The following FOLH1 variants were observed in gnomAD, a reference collection of about 807,000 sequenced individuals.
The protein encoded by FOLH1 is folate hydrolase 1.
Under a neutral mutation model 93.9 loss-of-function variants are expected in FOLH1, and 54 were observed. The observed-to-expected ratio is 0.57, with a 90% confidence interval of 0.46 to 0.72. The LOEUF is 0.72. FOLH1 is among the 30% of genes least tolerant of loss of function. FOLH1 has a pLI of 0.00. For synonymous variants in FOLH1, 249 were observed against 303.6 expected, an observed-to-expected ratio of 0.82 and a Z score of 1.87; for missense variants, 571 against 892.5, an observed-to-expected ratio of 0.64 and a Z score of 4.59.
At chr11:49,200,187 TC>T (rs1863114965) in intron 3 of FOLH1, 67 bp downstream of exon 3, 1 of 1,276,842 alleles carries the variant, frequency 7.8e-7, no homozygotes, top group South Asian at 1.6e-5. Flanking sequence ...GAACATTATT[TC>T]ATAGAAGGTA....
intron 2 of FOLH1, among the ~76,000 whole-genome samples, chr11:49,203,882 C>T (rs1453862189): frequency 2.0e-5 from 3 of 151,418 alleles, no homozygotes; most frequent in Non-Finnish European, 4.4e-5. Flanking sequence ...ATCGCATTGC[C>T]TCTCTAAAAA....
chr11:49,160,269 A>C (rs1467385407), intron 13 of FOLH1, among the ~76,000 whole-genome samples: 1 of 151,990 alleles, frequency 6.6e-6, no homozygotes, highest in Non-Finnish European at 1.5e-5. Flanking sequence ...TTTTTTCAAA[A>C]AATCAGCTCC....
At position 49,183,315 on chromosome 11, in the gene FOLH1, A is replaced by T; in HGVS notation, c.827-73T>A. Reference sequence around the variant, plus strand: ...AAACGGTTCTCTATAAATCACATTAAATACATTCTAATTTCACATTTGCTA... The same window carrying T: ...AAACGGTTCTCTATAAATCACATTATATACATTCTAATTTCACATTTGCTA... On this transcript the variant is annotated intron_variant, in intron 6 of 18. Transcript: ENST00000256999. 3 of 1,072,864 alleles carry T rather than the reference A, an allele frequency of 2.8e-6. No individual in the cohort carries two copies. In the South Asian group the frequency reaches 4.7e-5, roughly 17 times the overall value. 66.5% of individuals were successfully genotyped at this position (1,072,864 alleles called of 1,614,324 possible).
chr11:49,173,412 A>G lies in FOLH1; in HGVS notation c.1170T>C (p.Ser390=). 6.2e-7 allele frequency: 1 copy of G among 1,612,112 alleles called. No individual in the cohort carries two copies. ...SWVFGGIDPQ[S]GAAVVHEIVR... Reference sequence around the variant, plus strand: ...CAATTTCATGAACAACAGCTGCTCCACTCTGAGGGTCAATACCACCAAACA... The same window carrying G: ...CAATTTCATGAACAACAGCTGCTCCGCTCTGAGGGTCAATACCACCAAACA... The change falls in exon 10 of 19, where the codon AGT becomes AGC. Residue 390 remains serine, a synonymous_variant. Coordinates refer to ENST00000256999, the MANE Select transcript of FOLH1 (RefSeq NM_004476.3).
At position 49,156,748 on chromosome 11, in the gene FOLH1, G is replaced by T. The variant is rs1435131749; in HGVS notation, c.1592C>A (p.Ala531Asp). 6.2e-7 allele frequency: 1 copy of T among 1,612,782 alleles called. No individual in the cohort carries two copies. Among genetic ancestry groups the T allele is most frequent in the East Asian group, 2.2e-5 (1 of 44,748 alleles). Residue 531 changes from alanine to aspartate, a missense_variant, in exon 15 of 19, where the codon GCT (alanine) becomes GAT (aspartate). Around this residue, in one of 2 missense-constraint regions of FOLH1, gnomAD observed 500 missense variants for 822.9 expected, o/e 0.61. Transcript: ENST00000256999. ...FEVFFQRLGI[A>D]SGRARYTKNW... Reference sequence around the variant, plus strand: ...TTTAGTATACCGTGCTCTGCCTGAAGCAATTCCAAGTCGTTGGAAGAACAC... The same window carrying T: ...TTTAGTATACCGTGCTCTGCCTGAATCAATTCCAAGTCGTTGGAAGAACAC...
At chr11:49,166,049 C>T (rs986587899) in intron 12 of FOLH1, among the ~76,000 whole-genome samples, 22 of 152,162 alleles carry the variant, frequency 1.4e-4, no homozygotes, top group Non-Finnish European at 3.1e-4. Flanking sequence ...CCACAACAAA[C>T]TGAAGCAAGC....
At chr11:49,208,160 T>C in intron 1 of FOLH1, 132 bp downstream of exon 1, 1 of 681,658 alleles carries the variant, frequency 1.5e-6, no homozygotes, top group South Asian at 1.9e-5. Context: ...TCACCCCACA[T>C]TACCCCGACC....
intron 2 of FOLH1, 145 bp from the exon 3 acceptor site, chr11:49,200,586 A>G: frequency 4.8e-6 from 4 of 833,778 alleles, no homozygotes; most frequent in Non-Finnish European, 7.2e-6. Context: ...TGCATGAAAT[A>G]GATTTTCAAA....
intron 13 of FOLH1, chr11:49,162,758 C>T (rs1207572568): frequency 6.0e-5 from 9 of 151,194 alleles, no homozygotes; most frequent in Admixed American, 2.6e-4. Flanking sequence ...GGTTGGTGAC[C>T]TTTGAGTGGA....
chr11:49,185,041 A>ATCC (rs1301913723), intron 6 of FOLH1, among the ~76,000 whole-genome samples: 2 of 152,154 alleles, frequency 1.3e-5, no homozygotes, highest in East Asian at 3.9e-4. Context: ...TGCAAGTAAA[A>ATCC]TGCTGGCATT....
In FOLH1 at chr11:49,156,806, T is replaced by A. The variant is rs1297396036; in HGVS notation, c.1534A>T (p.Ile512Leu). The A allele has an allele frequency of 6.2e-7, 1 of 1,612,034 alleles. No individual in the cohort carries two copies. Among genetic ancestry groups the A allele is most frequent in the Admixed American group, 1.7e-5 (1 of 59,880 alleles). Reference protein sequence around the residue: ...PSPEFSGMPRISKLGSGNDFE... With the variant: ...PSPEFSGMPRLSKLGSGNDFE... ...TCATTTCCAGATCCCAATTTGCTTA[T>A]CCTTTTAGAGATAAAACAACAGAAT... Residue 512 changes from isoleucine (I) to leucine (L), a missense_variant and splice_region_variant, in exon 15 of 19, where the codon ATA (isoleucine) becomes TTA (leucine). Ile to Leu is a conservative substitution (Grantham distance 5). Coordinates refer to ENST00000256999, the MANE Select transcript of FOLH1 (RefSeq NM_004476.3).
chr11:49,167,915 C>G (rs1019007443), intron 12 of FOLH1, among the ~76,000 whole-genome samples: 2 of 53,704 alleles, frequency 3.7e-5, no homozygotes, highest in African/African-American at 1.5e-4. Context: ...AAAACACACA[C>G]AAAAAAACCA....
At position 49,174,886 on chromosome 11, in the gene FOLH1, C is replaced by T. The variant is rs764989225; in HGVS notation, c.1105+6G>A. On this transcript the variant is annotated splice_donor_region_variant and intron_variant, in intron 9 of 18. Coordinates refer to ENST00000256999, the MANE Select transcript of FOLH1 (RefSeq NM_004476.3). ...TCAATATTTGCTAAGCAAACGATTCCTTTACCTGGTTCCACTGCTCCTCTG... is the reference window on the plus strand; with the variant it reads ...TCAATATTTGCTAAGCAAACGATTCTTTTACCTGGTTCCACTGCTCCTCTG... 2 of 1,602,536 alleles carry T rather than the reference C, an allele frequency of 1.2e-6. No individual in the cohort carries two copies. The highest frequency in any genetic ancestry group is 2.2e-5 in the South Asian group (2 of 90,090).
At chr11:49,162,585 T>C (rs1419115697) in intron 13 of FOLH1, among the ~76,000 whole-genome samples, 2 of 152,174 alleles carry the variant, frequency 1.3e-5, no homozygotes, top group Non-Finnish European at 2.9e-5. Flanking sequence ...TGAATTCTAC[T>C]TCTGTCATTT....
rs1427754508 is a variant in FOLH1 at position 49,154,639 on chromosome 11, C to T, written c.1624-147G>A. 6 of 1,441,626 alleles carry T rather than the reference C, an allele frequency of 4.2e-6. No homozygotes were observed. In the East Asian group the frequency reaches 7.5e-5, roughly 18 times the overall value. The allele number at this position is 1,441,626 out of a possible 1,614,324, so 89.3% of individuals were successfully genotyped here. ...TCTCAATAAGCTACATCCTAAATGG[C>T]TAATATTATGATACATAAACACATT... On this transcript the variant is annotated intron_variant, in intron 15 of 18. Transcript: ENST00000256999.
At chr11:49,173,253 C>G in intron 10 of FOLH1, 104 bp downstream of exon 10, 1 of 1,198,424 alleles carries the variant, frequency 8.3e-7, no homozygotes, top group Non-Finnish European at 1.1e-6. Context: ...GTATTTTTAC[C>G]AAACACATGT....
At chr11:49,202,744 T>G (rs1483920204) in intron 2 of FOLH1, among the ~76,000 whole-genome samples, 1 of 152,220 alleles carries the variant, frequency 6.6e-6, no homozygotes, top group East Asian at 1.9e-4. Context: ...GACTTCAAGA[T>G]GACGAAGGTA....
chr11:49,203,379 C>T (rs1252086546), intron 2 of FOLH1, among the ~76,000 whole-genome samples: 1 of 152,204 alleles, frequency 6.6e-6, no homozygotes, highest in Non-Finnish European at 1.5e-5. Flanking sequence ...TTAATCTTCC[C>T]ATTCACTACT....
chr11:49,181,380 G>T (rs1355814661), intron 7 of FOLH1, among the ~76,000 whole-genome samples: 1 of 151,876 alleles, frequency 6.6e-6, no homozygotes, highest in Admixed American at 6.6e-5. Context: ...AAAGTGCTGG[G>T]ATTACAAGTG....
Sources: allele counts gnomAD v4.1 joint callset (sites outside exome capture counted in the v4.1 genomes callset), GRCh38; gene constraint gnomAD v4.1.1; regional missense constraint gnomAD v4.1.1; transcripts MANE v1.5; gene names NCBI Gene and HGNC (gene_info 2026-07-23, HGNC 2026-07-21).